OLFM2: variants seen among roughly 807,000 people sequenced by gnomAD.
OLFM2 encodes noelin-2.
In OLFM2, 20 loss-of-function variants were observed where a neutral mutation model predicts 43.9. That is an observed-to-expected ratio of 0.46 (90% CI 0.32 to 0.66). OLFM2 has a LOEUF of 0.66. OLFM2 is among the 30% of genes least tolerant of loss of function. The probability of loss-of-function intolerance (pLI) is 0.04; values close to 1 mark genes in which losing one functional copy is unlikely to be tolerated. For missense variants in OLFM2, 416 were observed against 643.6 expected, an observed-to-expected ratio of 0.65 and a Z score of 3.83; for synonymous variants, 268 against 278.6, an observed-to-expected ratio of 0.96 and a Z score of 0.38.
intron 1 of OLFM2, among the ~76,000 whole-genome samples, chr19:9,868,963 TC>T (rs1167915018): frequency 8.9e-6 from 1 of 112,324 alleles, no homozygotes; most frequent in Non-Finnish European, 1.7e-5. Context: ...TTTTTAAAAG[TC>T]CCTTAAATTT....
chr19:9,876,977 C>A (rs532398908), intron 1 of OLFM2, among the ~76,000 whole-genome samples: 1 of 152,154 alleles, frequency 6.6e-6, no homozygotes, highest in South Asian at 2.1e-4. Flanking sequence ...CACCTGTAAT[C>A]CCAACACTTT....
chr19:9,894,376 C>CAGTAATAATAAT (rs58964211), intron 1 of OLFM2, among the ~76,000 whole-genome samples: 41 of 118,282 alleles, frequency 3.5e-4, no homozygotes, highest in East Asian at 9.3e-4. Flanking sequence ...GACTCTCTCT[C>CAGTAATAATAAT]AATAATAATA....
chr19:9,900,161 C>T (rs2046719118), intron 1 of OLFM2, among the ~76,000 whole-genome samples: 1 of 152,042 alleles, frequency 6.6e-6, no homozygotes, highest in Admixed American at 6.6e-5. Context: ...GCTTTCAATT[C>T]CAAACAGACT....
chr19:9,878,351 ACT>A (rs966971146), intron 1 of OLFM2, among the ~76,000 whole-genome samples: 3 of 138,750 alleles, frequency 2.2e-5, no homozygotes, highest in Admixed American at 7.3e-5. Flanking sequence ...TGGACAAGTG[ACT>A]CTCTCTGAGC....
At position 9,936,395 on chromosome 19, in the gene OLFM2, C is replaced by T. The variant is rs1015206790; in HGVS notation, c.-29G>A. ...GCGCCCCTAGCCCGGCGTCCCGACCCCCGCCCGCCCTAGCGGCGCCTCGGC... is the reference window on the plus strand; with the variant it reads ...GCGCCCCTAGCCCGGCGTCCCGACCTCCGCCCGCCCTAGCGGCGCCTCGGC... On this transcript the variant is annotated 5_prime_UTR_variant, in exon 1 of 6. Coordinates refer to ENST00000264833, the MANE Select transcript of OLFM2 (RefSeq NM_058164.4). 4.4e-6 allele frequency: 6 copies of T among 1,363,672 alleles called. No homozygotes were observed. The highest frequency in any genetic ancestry group is 3.2e-5 in the Admixed American group (1 of 31,582). 84.5% of individuals were successfully genotyped at this position (1,363,672 alleles called of 1,614,324 possible).
intron 1 of OLFM2, among the ~76,000 whole-genome samples, chr19:9,910,832 TACAGATGGATGG>T (rs1285978303): frequency 2.0e-5 from 3 of 151,784 alleles, no homozygotes; most frequent in Non-Finnish European, 2.9e-5. Flanking sequence ...AGGATGGATG[TACAGATGGATGG>T]ACAGATGGAA....
intron 1 of OLFM2, among the ~76,000 whole-genome samples, chr19:9,922,910 CAAAA>C (rs530892316): frequency 1.4e-5 from 1 of 73,880 alleles, no homozygotes; most frequent in African/African-American, 3.6e-5. Context: ...GACCCTGTCT[CAAAA>C]AAAAAAAAAA....
chr19:9,914,323 G>A (rs1325319001), intron 1 of OLFM2, among the ~76,000 whole-genome samples: 2 of 152,230 alleles, frequency 1.3e-5, no homozygotes, highest in African/African-American at 2.4e-5. Context: ...ACGCTCGTGC[G>A]CTCCCATGAA....
At chr19:9,934,461 G>A (rs991952492) in intron 1 of OLFM2, among the ~76,000 whole-genome samples, 2 of 152,106 alleles carry the variant, frequency 1.3e-5, no homozygotes, top group Non-Finnish European at 2.9e-5. Flanking sequence ...AGCAAACTCT[G>A]GCATCCTAGC....
chr19:9,876,750 G>C (rs560474881), intron 1 of OLFM2, among the ~76,000 whole-genome samples: 3 of 152,320 alleles, frequency 2.0e-5, no homozygotes, highest in Admixed American at 6.5e-5. Context: ...CCCCCAGTTA[G>C]AGTATATAGC....
At chr19:9,911,927 G>A (rs2046830603) in intron 1 of OLFM2, among the ~76,000 whole-genome samples, 1 of 152,100 alleles carries the variant, frequency 6.6e-6, no homozygotes, top group Admixed American at 6.6e-5. Context: ...ATGCAATCTT[G>A]TAACACAGGC....
chr19:9,913,668 G>A, intron 1 of OLFM2: 2 of 1,138,904 alleles, frequency 1.8e-6, no homozygotes, highest in African/African-American at 1.7e-5. Context: ...CCCTTCTCTG[G>A]CCCGCCGCGG....
At chr19:9,862,463 G>GGAGT (rs762678993) in intron 1 of OLFM2, among the ~76,000 whole-genome samples, 1 of 151,804 alleles carries the variant, frequency 6.6e-6, no homozygotes, top group Non-Finnish European at 1.5e-5. Flanking sequence ...CTGAAGGTCA[G>GGAGT]GAGTTTAAGG....
chr19:9,893,260 G>T (rs535053490), intron 1 of OLFM2, among the ~76,000 whole-genome samples: 124 of 151,846 alleles, frequency 8.2e-4, no homozygotes, highest in Admixed American at 5.6e-3. Flanking sequence ...CACCTCCCAG[G>T]TTCAAGTGAT....
At chr19:9,919,587 T>C (rs888539879) in intron 1 of OLFM2, among the ~76,000 whole-genome samples, 1 of 152,028 alleles carries the variant, frequency 6.6e-6, no homozygotes, top group South Asian at 2.1e-4. Context: ...GTTCAAGTGA[T>C]TCCCTTACCT....
chr19:9,933,914 A>G (rs2086499639), intron 1 of OLFM2, among the ~76,000 whole-genome samples: 1 of 152,074 alleles, frequency 6.6e-6, no homozygotes, highest in African/African-American at 2.4e-5. Context: ...ATTGTATTAT[A>G]TGTATATTTA....
chr19:9,873,578 C>T (rs951281591), intron 1 of OLFM2, among the ~76,000 whole-genome samples: 5 of 152,106 alleles, frequency 3.3e-5, no homozygotes, highest in South Asian at 2.1e-4. Context: ...CTTCAGCCTC[C>T]GGAGTAGCTG....
At chr19:9,933,167 C>T (rs1221072788) in intron 1 of OLFM2, among the ~76,000 whole-genome samples, 1 of 152,198 alleles carries the variant, frequency 6.6e-6, no homozygotes, top group African/African-American at 2.4e-5. Flanking sequence ...TCAGATGTCA[C>T]CTGAAACACT....
chr19:9,910,583 C>T (rs563672193), intron 1 of OLFM2, among the ~76,000 whole-genome samples: 1 of 152,010 alleles, frequency 6.6e-6, no homozygotes, highest in Admixed American at 6.6e-5. Context: ...GGAATAAATA[C>T]AATGGATGGA....
Sources: allele counts gnomAD v4.1 joint callset (sites outside exome capture counted in the v4.1 genomes callset), GRCh38; gene constraint gnomAD v4.1.1; transcripts MANE v1.5; gene names NCBI Gene and HGNC (gene_info 2026-07-23, HGNC 2026-07-21).